PCDHGB1: variants seen among roughly 807,000 people sequenced by gnomAD.
PCDHGB1 encodes the protein protocadherin gamma subfamily B, 1, also known as protocadherin gamma-B1.
A neutral mutation model predicts 56.6 loss-of-function variants in PCDHGB1; 34 were observed. The observed-to-expected ratio is 0.60, with a 90% CI of 0.46 to 0.80. The LOEUF is 0.80. Among genes scored for constraint, PCDHGB1 ranks in the 30% least tolerant of loss-of-function variants. The probability of loss-of-function intolerance (pLI) is 0.00; values close to 1 mark genes in which losing one functional copy is unlikely to be tolerated. For missense variants in PCDHGB1, 1,278 were observed against 1,204.6 expected (o/e 1.06, Z -0.90); for synonymous variants, 561 against 505.9 (o/e 1.11, Z -1.46).
In PCDHGB1 at chr5:141,491,283, C is replaced by G; in HGVS notation, c.2410-3524C>G. ...AAATGCCCAAATCCAGTGACTTCCT[C>G]ATACACCCTCCTGAGCGTTCAGACC... On this transcript the variant is annotated intron_variant, in intron 1 of 3. Coordinates refer to ENST00000523390, the MANE Select transcript of PCDHGB1 (RefSeq NM_018922.3). The surrounding 1 kb of genome is among the most constrained non-coding windows in gnomAD (Gnocchi z 6.9). The G allele has an allele frequency of 1.2e-6, 2 of 1,614,164 alleles. No homozygotes were observed.
chr5:141,394,946 T>A (rs759854662), intron 1 of PCDHGB1: 1 of 1,613,768 alleles, frequency 6.2e-7, no homozygotes, highest in East Asian at 2.2e-5. Flanking sequence ...TCGCTGTGCT[T>A]CTGGGGCTCA....
rs2233602 is a variant in PCDHGB1, at chr5:141,490,032, C to T, written c.2410-4775C>T. 47,990 of 1,614,182 alleles carry T rather than the reference C, an allele frequency of 0.03. 1,413 individuals are homozygous for T. Among genetic ancestry groups the T allele is most frequent in the African/African-American group, 0.15 (11,444 of 75,040 alleles). On this transcript the variant is annotated intron_variant, in intron 1 of 3. Coordinates refer to ENST00000523390, the MANE Select transcript of PCDHGB1 (RefSeq NM_018922.3). The surrounding 1 kb of genome is among the most constrained non-coding windows in gnomAD (Gnocchi z 5.4). ...CCATTGGTACTCTGCTGCTCCGCCT[C>T]AATGCCACTGATCCAGACGAGGGCA...
rs769137645 is a variant in PCDHGB1 at position 141,355,852 on chromosome 5, G to C, written c.2409+3183G>C. Reference sequence around the variant, plus strand: ...CCTCGTTCTCACGGCCTTCGATGGAGGTGACCCGGTTCGCTCTGGCACTGC... The same window carrying C: ...CCTCGTTCTCACGGCCTTCGATGGACGTGACCCGGTTCGCTCTGGCACTGC... On this transcript the variant is annotated intron_variant, in intron 1 of 3. Transcript: ENST00000523390. 15 of 1,612,306 alleles carry C rather than the reference G, an allele frequency of 9.3e-6. No individual in the cohort carries two copies. The East Asian group carries it at 3.1e-4, about 34-fold the overall frequency.
chr5:141,356,800 G>C, intron 1 of PCDHGB1: 2 of 1,614,046 alleles, frequency 1.2e-6, no homozygotes, highest in Non-Finnish European at 1.7e-6. Flanking sequence ...GCTGATGACA[G>C]CCAGTGACAG....
intron 1 of PCDHGB1, chr5:141,410,288 T>G: frequency 6.2e-7 from 1 of 1,614,044 alleles, no homozygotes; most frequent in Non-Finnish European, 8.5e-7. Context: ...GGTGGTGGCC[T>G]TGGCCTTAAT....
At chr5:141,501,583 T>C (rs1270487304) in intron 2 of PCDHGB1, among the ~76,000 whole-genome samples, 1 of 152,054 alleles carries the variant, frequency 6.6e-6, no homozygotes, top group Non-Finnish European at 1.5e-5. Context: ...GGCTTTCAGG[T>C]TGCAACTCTA....
At chr5:141,510,322 A>G (rs62379243) in intron 3 of PCDHGB1, among the ~76,000 whole-genome samples, 36,300 of 150,290 alleles carry the variant, frequency 0.24, 4,456 homozygotes, top group Admixed American at 0.32. Flanking sequence ...TTGGAAGAGC[A>G]CTCTTCACCC....
intron 1 of PCDHGB1, chr5:141,364,431 C>A (rs1210490734): frequency 6.2e-7 from 1 of 1,613,754 alleles, no homozygotes; most frequent in Admixed American, 1.7e-5. Flanking sequence ...ATCCGCTACT[C>A]GATGCCGGAG....
At chr5:141,450,004 C>CTTTAT (rs2098662217) in intron 1 of PCDHGB1, among the ~76,000 whole-genome samples, 1 of 75,148 alleles carries the variant, frequency 1.3e-5, no homozygotes, top group Non-Finnish European at 2.3e-5. Flanking sequence ...GTTGCCATGT[C>CTTTAT]TCTTTTTTTT....
chr5:141,404,358 C>T (rs746085915), intron 1 of PCDHGB1: 19 of 1,613,846 alleles, frequency 1.2e-5, no homozygotes, highest in Non-Finnish European at 1.6e-5. Context: ...GCCAGAGGTA[C>T]TTCCATCTTC....
chr5:141,400,102 G>A (rs376189143), intron 1 of PCDHGB1: 2 of 1,614,084 alleles, frequency 1.2e-6, no homozygotes, highest in Non-Finnish European at 1.7e-6. Context: ...GCTGCACTTG[G>A]TCTTTGCTGA....
chr5:141,460,979 GTGTGTATATATATATA>G (rs2099004425), intron 1 of PCDHGB1, among the ~76,000 whole-genome samples: 1 of 134,290 alleles, frequency 7.4e-6, no homozygotes, highest in Non-Finnish European at 1.5e-5. Flanking sequence ...GTGTGTGTGT[GTGTGTATATATATATA>G]TGTGTATATA....
chr5:141,404,710 C>A (rs772390810), intron 1 of PCDHGB1: 1 of 1,614,014 alleles, frequency 6.2e-7, no homozygotes, highest in African/African-American at 1.3e-5. Flanking sequence ...AGCCTGGCTA[C>A]CTGGTGACCA....
rs780671252 is a variant in PCDHGB1, at chr5:141,398,519, C to G, written c.2409+45850C>G. 3.1e-6 allele frequency: 5 copies of G among 1,595,048 alleles called. No homozygotes were observed. The Admixed American group carries it at 6.8e-5, about 22-fold the overall frequency. On this transcript the variant is annotated intron_variant, in intron 1 of 3. Coordinates refer to ENST00000523390, the MANE Select transcript of PCDHGB1 (RefSeq NM_018922.3). ...ATCGAGGACATTAATGACCACACGC[C>G]AAAATTCACGCAAAATTCCTTTGAG...
chr5:141,448,232 T>A (rs917554207), intron 1 of PCDHGB1, among the ~76,000 whole-genome samples: 1 of 152,094 alleles, frequency 6.6e-6, no homozygotes, highest in Admixed American at 6.6e-5. Context: ...ATGTGTGGGG[T>A]TTTCTTTGCA....
rs995968509 is a variant in PCDHGB1, at chr5:141,477,065, C to T, written c.2410-17742C>T. ...TCGGCTGGACTTCGAGGACACCAAA[C>T]TCCATGAGATTTACATCCAGGCCAA... On this transcript the variant is annotated intron_variant, in intron 1 of 3. Coordinates refer to ENST00000523390, the MANE Select transcript of PCDHGB1 (RefSeq NM_018922.3). The surrounding 1 kb of genome is among the most constrained non-coding windows in gnomAD (Gnocchi z 4.9). 15 of 1,614,144 alleles carry T rather than the reference C, an allele frequency of 9.3e-6. No homozygotes were observed. The highest frequency in any genetic ancestry group is 3.3e-5 in the Admixed American group (2 of 60,018).
At chr5:141,410,676 T>G in intron 1 of PCDHGB1, 1 of 1,550,692 alleles carries the variant, frequency 6.4e-7, no homozygotes, top group African/African-American at 1.4e-5. Flanking sequence ...TTTCTCATAT[T>G]TTAGGCATAC....
intron 2 of PCDHGB1, among the ~76,000 whole-genome samples, chr5:141,503,954 C>T (rs2099834393): frequency 6.6e-6 from 1 of 152,186 alleles, no homozygotes; most frequent in Non-Finnish European, 1.5e-5. Flanking sequence ...GCCTACCCTA[C>T]AGCCTTTCCC....
rs762996346 is a variant in PCDHGB1, at chr5:141,365,922, G to A, written c.2409+13253G>A. The A allele has an allele frequency of 1.9e-6, 3 of 1,614,196 alleles. No homozygotes were observed. In the Admixed American group the frequency reaches 5.0e-5, roughly 27 times the overall value. The stretch of plus-strand genomic sequence containing the variant: ...GAGCAGTTGAGAGACCTACAGTTGT[G>A]GGTGACAGCCAGCGACAGTGGGAAC... On this transcript the variant is annotated intron_variant, in intron 1 of 3. Coordinates refer to ENST00000523390, the MANE Select transcript of PCDHGB1 (RefSeq NM_018922.3).
Sources: allele counts gnomAD v4.1 joint callset (sites outside exome capture counted in the v4.1 genomes callset), GRCh38; gene constraint gnomAD v4.1.1; non-coding constraint Gnocchi (gnomAD v3.1); transcripts MANE v1.5; gene names NCBI Gene and HGNC (gene_info 2026-07-23, HGNC 2026-07-21).